CLIP1: variants seen among roughly 807,000 people sequenced by gnomAD.
CLIP1 encodes CAP-Gly domain-containing linker protein 1.
Under a neutral mutation model 161.6 loss-of-function variants are expected in CLIP1, and 66 were observed. That is an observed-to-expected ratio of 0.41 (90% CI 0.33 to 0.50). CLIP1 has a LOEUF of 0.50. CLIP1 is among the 20% of genes least tolerant of loss of function. CLIP1 has a pLI of 0.27. For synonymous variants in CLIP1, 598 were observed against 626.2 expected (o/e 0.96, Z 0.67); for missense variants, 1,376 against 1,702.0 (o/e 0.81, Z 3.37).
At chr12:122,365,917 G>A (rs1228269833) in intron 3 of CLIP1, among the ~76,000 whole-genome samples, 1 of 152,172 alleles carries the variant, frequency 6.6e-6, no homozygotes, top group Non-Finnish European at 1.5e-5. Flanking sequence ...GCTGAGGTGG[G>A]AGGATTGCTT....
chr12:122,406,740 A>C (rs1005212848), intron 1 of CLIP1, among the ~76,000 whole-genome samples: 8 of 152,188 alleles, frequency 5.3e-5, no homozygotes, highest in Non-Finnish European at 1.2e-4. Flanking sequence ...AAGGAAGGAC[A>C]GGATTAAAAA....
chr12:122,401,669 C>T (rs995661189), intron 1 of CLIP1, among the ~76,000 whole-genome samples: 3 of 151,632 alleles, frequency 2.0e-5, no homozygotes, highest in African/African-American at 7.3e-5. Context: ...TATGGGCAAA[C>T]TGTTCAATTA....
intron 1 of CLIP1, among the ~76,000 whole-genome samples, chr12:122,401,321 C>T (rs1426838772): frequency 6.6e-6 from 1 of 152,124 alleles, no homozygotes. Flanking sequence ...CCCAGGAGTT[C>T]AATACCAGCC....
chr12:122,282,185 C>A (rs550886929), intron 21 of CLIP1, among the ~76,000 whole-genome samples: 10 of 152,296 alleles, frequency 6.6e-5, no homozygotes, highest in African/African-American at 2.4e-4. Context: ...TAGACTCTGG[C>A]AGCTCATCTT....
chr12:122,328,246 T>G lies in CLIP1; in HGVS notation c.3033+15A>C. The stretch of plus-strand genomic sequence containing the variant: ...CTTCCTTGCCAGCCAACAGGCCCAC[T>G]GAGTATCTCCTTACCAGGTCCGACA... On this transcript the variant is annotated intron_variant, in intron 16 of 25. Transcript: ENST00000620786. The G allele has an allele frequency of 6.2e-7, 1 of 1,613,698 alleles. No homozygotes were observed.
intron 20 of CLIP1, among the ~76,000 whole-genome samples, chr12:122,302,443 A>AT (rs1245776488): frequency 1.3e-5 from 2 of 151,836 alleles, no homozygotes; most frequent in African/African-American, 2.4e-5. Context: ...TCACCAGGGT[A>AT]TTTTTTTTGG....
rs768798320 is a variant in CLIP1, at chr12:122,340,892, T to C, written c.2312A>G (p.Glu771Gly). 2 of 1,614,128 alleles carry C rather than the reference T, an allele frequency of 1.2e-6. No individual in the cohort carries two copies. Among genetic ancestry groups the C allele is most frequent in the East Asian group, 4.5e-5 (2 of 44,904 alleles). ...AAGTGCATCAAGATCCAAGAGCTTTTCTTCAGTAGCCTTGAGCTGTGATGT... is the reference window on the plus strand; with the variant it reads ...AAGTGCATCAAGATCCAAGAGCTTTCCTTCAGTAGCCTTGAGCTGTGATGT... ...NFTSQLKATE[E>G]KLLDLDALRK... Residue 771 changes from glutamate to glycine, a missense_variant, in exon 11 of 26, where the codon GAA becomes GGA. This residue lies in a region of CLIP1 where 948 missense variants were observed against 1,134.8 expected (regional missense o/e 0.84). Transcript: ENST00000620786.
At chr12:122,314,018 C>T (rs1185407328) in intron 19 of CLIP1, among the ~76,000 whole-genome samples, 2 of 151,962 alleles carry the variant, frequency 1.3e-5, no homozygotes, top group African/African-American at 2.4e-5. Context: ...AATGGCCAGG[C>T]GCAGTGGCTC....
intron 20 of CLIP1, 147 bp from the exon 21 acceptor site, chr12:122,288,688 T>C: frequency 1.6e-6 from 1 of 636,294 alleles, no homozygotes; most frequent in Non-Finnish European, 2.7e-6. Context: ...GTGGTCACTC[T>C]ATCACAGGAT....
chr12:122,355,159 C>A lies in CLIP1; in HGVS notation c.1159G>T (p.Glu387Ter). Residue 387 changes from glutamate to a stop codon, truncating the protein, a stop_gained, in exon 6 of 26, where the codon GAG becomes TAG. Coordinates refer to ENST00000620786, the MANE Select transcript of CLIP1 (RefSeq NM_001247997.2). LOFTEE classifies it high-confidence loss of function. This position sits in a 1 kb window ranked among gnomAD's most constrained non-coding sequence, Gnocchi z 4.1. ...GCCAGAGCTAGCTCCTGCTCTATCT[C>A]CCCCACGTGGCTCGTGGCCTTGGCC... The part of the protein sequence containing the change: ...EVAKATSHVG[E>*]IEQELALARD... 6.2e-7 allele frequency: 1 copy of A among 1,614,226 alleles called. No homozygotes were observed. Among genetic ancestry groups the A allele is most frequent in the South Asian group, 1.1e-5 (1 of 91,084 alleles).
chr12:122,333,278 C>T (rs1472068062), intron 14 of CLIP1, 135 bp from the exon 15 acceptor site: 4 of 657,922 alleles, frequency 6.1e-6, no homozygotes, highest in Non-Finnish European at 1.0e-5. Context: ...GTGAAGAAGG[C>T]ACACAATAAG....
intron 17 of CLIP1, among the ~76,000 whole-genome samples, chr12:122,321,373 G>A (rs1324520562): frequency 6.6e-6 from 1 of 151,784 alleles, no homozygotes; most frequent in Non-Finnish European, 1.5e-5. Context: ...AGCCTCCTGA[G>A]TAGCTGGGAT....
intron 20 of CLIP1, among the ~76,000 whole-genome samples, chr12:122,289,761 C>T (rs574764675): frequency 6.6e-6 from 1 of 151,176 alleles, no homozygotes; most frequent in East Asian, 1.9e-4. Context: ...ACCTGCACTA[C>T]CCAGTTTGGC....
intron 12 of CLIP1, among the ~76,000 whole-genome samples, chr12:122,335,076 A>C (rs757295013): frequency 6.6e-6 from 1 of 152,246 alleles, no homozygotes; most frequent in Non-Finnish European, 1.5e-5. Flanking sequence ...ATCTGTGTGA[A>C]ATGGTGAACA....
Position 122,272,853 on chromosome 12 carries a change from CAGTTCTCCACTGGAGGCTTCATCAGA to C in CLIP1, c.4313_*21del. On this transcript the variant is annotated stop_lost and 3_prime_UTR_variant, in exon 26 of 26. Coordinates refer to ENST00000620786, the MANE Select transcript of CLIP1 (RefSeq NM_001247997.2). The stretch of plus-strand genomic sequence containing the variant: ...CAATGCGAGTGCGTCTGAGCAAGCC[CAGTTCTCCACTGGAGGCTTCATCAGA>C]AGGTTTCGTCGTCATTGCAGTTGGT... The C allele has an allele frequency of 6.2e-7, 1 of 1,607,508 alleles. No homozygotes were observed. The highest frequency in any genetic ancestry group is 8.5e-7 in the Non-Finnish European group (1 of 1,173,890).
chr12:122,327,965 C>T lies in CLIP1; in HGVS notation c.3231G>A (p.Lys1077=). ...CACGTACTTTGGCTTTGTCGGCTTG[C>T]TTTCTCAGCTCCTCCAGCTCCTGCA... ...GLLQELEELR[K]QADKAKAAQT... The change falls in exon 17 of 26, where the codon AAG becomes AAA. Residue 1077 remains lysine, a synonymous_variant. Coordinates refer to ENST00000620786, the MANE Select transcript of CLIP1 (RefSeq NM_001247997.2). 1.2e-6 allele frequency: 2 copies of T among 1,614,108 alleles called. No homozygotes were observed. Among genetic ancestry groups the T allele is most frequent in the Admixed American group, 1.7e-5 (1 of 60,016 alleles).
intron 20 of CLIP1, among the ~76,000 whole-genome samples, chr12:122,300,920 G>A (rs1250152941): frequency 1.3e-5 from 2 of 152,110 alleles, no homozygotes; most frequent in African/African-American, 2.4e-5. Context: ...CATGCCTCCT[G>A]GCAGGACACA....
At chr12:122,390,182 T>G in intron 1 of CLIP1, among the ~76,000 whole-genome samples, 1 of 135,034 alleles carries the variant, frequency 7.4e-6, no homozygotes, top group East Asian at 2.2e-4. Context: ...GATATATATA[T>G]ATATATATAT....
rs1955237819 is a variant in CLIP1 at position 122,273,064 on chromosome 12, G to A, written c.4128C>T (p.Arg1376=). ...AGCAGTCACAAATGTCACAGAAGAG[G>A]CGAGGTTTCTTCTTGGACTGTTTCT... The part of the protein sequence containing the change: ...DQEKQSKKKP[R]LFCDICDCFD... The change falls in exon 26 of 26, where the codon CGC becomes CGT. Residue 1376 remains arginine (R), a synonymous_variant. Coordinates refer to ENST00000620786, the MANE Select transcript of CLIP1 (RefSeq NM_001247997.2). 1 of 1,614,008 alleles carries A rather than the reference G, an allele frequency of 6.2e-7. No homozygotes were observed. Among genetic ancestry groups the A allele is most frequent in the African/African-American group, 1.3e-5 (1 of 74,912 alleles).
Sources: allele counts gnomAD v4.1 joint callset (sites outside exome capture counted in the v4.1 genomes callset), GRCh38; gene constraint gnomAD v4.1.1; regional missense constraint gnomAD v4.1.1; non-coding constraint Gnocchi (gnomAD v3.1); transcripts MANE v1.5; gene names NCBI Gene and HGNC (gene_info 2026-07-23, HGNC 2026-07-21).